UBN2: variants seen among roughly 807,000 people sequenced by gnomAD.
UBN2 encodes ubinuclein-2.
UBN2 carries 35 observed loss-of-function variants against 120.2 expected under a neutral mutation model. The observed-to-expected ratio is 0.29, with a 90% CI of 0.22 to 0.39. The LOEUF is 0.39. UBN2 is among the 10% of genes least tolerant of loss of function. The pLI, the probability that UBN2 is intolerant of heterozygous loss-of-function variation, is 1.00. For synonymous variants in UBN2, 661 were observed against 648.7 expected (o/e 1.02, Z -0.29); for missense variants, 1,693 against 1,663.2 (o/e 1.02, Z -0.31).
Position 139,251,951 on chromosome 7 carries a change from T to C in UBN2, c.562-5T>C, listed in dbSNP as rs752139261. The C allele has an allele frequency of 6.2e-7, 1 of 1,613,626 alleles. No individual in the cohort carries two copies. Among genetic ancestry groups the C allele is most frequent in the East Asian group, 2.2e-5 (1 of 44,874 alleles). On this transcript the variant is annotated splice_region_variant and splice_polypyrimidine_tract_variant and intron_variant, in intron 2 of 17. Coordinates refer to ENST00000473989, the MANE Select transcript of UBN2 (RefSeq NM_173569.4). The stretch of plus-strand genomic sequence containing the variant: ...AAATCAGTCTAATGTATCTGTTCTT[T>C]GCAGGGTGGGAAACCCCGTAAACAC...
chr7:139,284,601 A>T, intron 15 of UBN2, 27 bp downstream of exon 15: 1 of 1,560,162 alleles, frequency 6.4e-7, no homozygotes, highest in Non-Finnish European at 8.7e-7. Context: ...CGTCCATGTG[A>T]TAAACTATAA....
Position 139,281,565 on chromosome 7 carries a change from T to A in UBN2, c.2068-440T>A, listed in dbSNP as rs1057464424. ...AGCTATCTATTTATTTAGTCTTTTA[T>A]ATAAATGGGATAACCTGCTTTTTTG... is the stretch of plus-strand genomic sequence containing the variant. On this transcript the variant is annotated intron_variant, in intron 13 of 17. Coordinates refer to ENST00000473989, the MANE Select transcript of UBN2 (RefSeq NM_173569.4). Among the ~76,000 whole-genome samples, 3 of 152,350 alleles carry A rather than the reference T, an allele frequency of 2.0e-5. No individual in the cohort carries two copies. In the East Asian group the frequency reaches 5.8e-4, roughly 29 times the overall value.
the UBN2 span, among the ~76,000 whole-genome samples, chr7:139,328,962 C>T: frequency 6.6e-6 from 1 of 151,928 alleles, no homozygotes; most frequent in African/African-American, 2.4e-5. Context: ...TCATGAACTT[C>T]AGGCAGGCTG....
chr7:139,277,641 G>C (rs1412702663), intron 12 of UBN2: 1 of 151,946 alleles, frequency 6.6e-6, no homozygotes, highest in Non-Finnish European at 1.5e-5. Context: ...AAGTTGTTTG[G>C]TTTCATATAT....
chr7:139,315,599 A>G, the UBN2 span, among the ~76,000 whole-genome samples: 1 of 152,052 alleles, frequency 6.6e-6, no homozygotes, highest in South Asian at 2.1e-4. Flanking sequence ...TCCTATTAAC[A>G]CTTGTGCACA....
At chr7:139,289,004 A>AAC (rs1360452537) in intron 15 of UBN2, among the ~76,000 whole-genome samples, 2 of 151,632 alleles carry the variant, frequency 1.3e-5, no homozygotes, top group East Asian at 3.9e-4. Flanking sequence ...CCATCTCAAA[A>AAC]AAAAAAAAAA....
At position 139,276,158 on chromosome 7, in the gene UBN2, G is replaced by A. The variant is rs1585016248; in HGVS notation, c.2024+11G>A. 1 of 1,612,564 alleles carries A rather than the reference G, an allele frequency of 6.2e-7. No individual in the cohort carries two copies. Among genetic ancestry groups the A allele is most frequent in the East Asian group, 2.2e-5 (1 of 44,832 alleles). Reference sequence around the variant, plus strand: ...TCTTACTTCTGCTCCGTGAGTAAATGCAGACTCCAGATTGCTTCATTTATT... The same window carrying A: ...TCTTACTTCTGCTCCGTGAGTAAATACAGACTCCAGATTGCTTCATTTATT... On this transcript the variant is annotated intron_variant, in intron 12 of 17. Coordinates refer to ENST00000473989, the MANE Select transcript of UBN2 (RefSeq NM_173569.4).
intron 15 of UBN2, among the ~76,000 whole-genome samples, chr7:139,290,050 C>T: frequency 6.6e-6 from 1 of 152,150 alleles, no homozygotes; most frequent in Middle Eastern, 3.2e-3. Flanking sequence ...TGCGCCACCA[C>T]ACCTGGCTAA....
At chr7:139,325,034 C>T in the UBN2 span, among the ~76,000 whole-genome samples, 1 of 151,912 alleles carries the variant, frequency 6.6e-6, no homozygotes, top group African/African-American at 2.4e-5. Flanking sequence ...CAATAAAATA[C>T]ACAATCATAA....
At chr7:139,275,805 C>T (rs1161540489) in intron 11 of UBN2, among the ~76,000 whole-genome samples, 2 of 151,846 alleles carry the variant, frequency 1.3e-5, no homozygotes, top group African/African-American at 4.8e-5. Context: ...AGACCCCTGA[C>T]TCTGCAAAAA....
At chr7:139,271,517 C>T (rs1405761899) in intron 8 of UBN2, among the ~76,000 whole-genome samples, 1 of 150,574 alleles carries the variant, frequency 6.6e-6, no homozygotes, top group Non-Finnish European at 1.5e-5. Flanking sequence ...ACCCAGAAGG[C>T]GGAGGTTGCA....
At chr7:139,297,385 C>CA (rs113390602) in intron 17 of UBN2, among the ~76,000 whole-genome samples, 4,510 of 129,346 alleles carry the variant, frequency 0.035, 212 homozygotes, top group African/African-American at 0.11. Context: ...ATTTCACTTA[C>CA]AAAAAAAAAA....
the UBN2 span, among the ~76,000 whole-genome samples, chr7:139,326,093 T>G: frequency 2.0e-5 from 3 of 151,884 alleles, no homozygotes; most frequent in Admixed American, 1.3e-4. Flanking sequence ...CCATCTCTAC[T>G]AAAATTACAA....
At position 139,301,243 on chromosome 7, in the gene UBN2, A is replaced by G. The variant is rs1391974157; in HGVS notation, c.*3407A>G. On this transcript the variant is annotated 3_prime_UTR_variant, in exon 18 of 18. Coordinates refer to ENST00000473989, the MANE Select transcript of UBN2 (RefSeq NM_173569.4). ...CACCTGGTTGAAAACAACTTATTGG[A>G]CATGATTTTTAACCCAGGATATTTT... is the stretch of plus-strand genomic sequence containing the variant. The G allele has an allele frequency of 6.6e-6, 1 of 152,130 alleles. No individual in the cohort carries two copies. Among genetic ancestry groups the G allele is most frequent in the Non-Finnish European group, 1.5e-5 (1 of 68,042 alleles). The allele number at this position is 152,130 out of a possible 1,614,324, so 9.4% of individuals were successfully genotyped here. A position where few individuals can be genotyped will look rare whatever the true frequency, so the allele number is the denominator to read the frequency against.
In UBN2 at chr7:139,231,961, G is replaced by C; in HGVS notation, c.468+9G>C. The C allele has an allele frequency of 6.3e-7, 1 of 1,576,760 alleles. No individual in the cohort carries two copies. On this transcript the variant is annotated intron_variant, in intron 1 of 17. Transcript: ENST00000473989. Reference sequence around the variant, plus strand: ...TGTGCGGAGAACAACGGGTACAGAAGATTCTTCCCTCCTGCCCCAGACCCC... The same window carrying C: ...TGTGCGGAGAACAACGGGTACAGAACATTCTTCCCTCCTGCCCCAGACCCC...
chr7:139,271,577 C>CT (rs1298468124), intron 8 of UBN2, among the ~76,000 whole-genome samples: 1 of 148,216 alleles, frequency 6.7e-6, no homozygotes, highest in Non-Finnish European at 1.5e-5. Flanking sequence ...CAGCGAGACT[C>CT]TGTCTCCAAA....
intron 7 of UBN2, among the ~76,000 whole-genome samples, chr7:139,267,669 C>A (rs1478741028): frequency 6.6e-6 from 1 of 152,048 alleles, no homozygotes; most frequent in Admixed American, 6.6e-5. Flanking sequence ...TGAAGAAGGG[C>A]TGATTGATCA....
rs1440055143 is a variant in UBN2 at position 139,307,806 on chromosome 7, G to A, written c.*9970G>A. ...TTAATGGTAAAACATTTCACACTTT[G>A]GATGGTTTGCTTGTCTCTAGTTTTT... On this transcript the variant is annotated 3_prime_UTR_variant, in exon 18 of 18. Coordinates refer to ENST00000473989, the MANE Select transcript of UBN2 (RefSeq NM_173569.4). 2 of 151,950 alleles carry A rather than the reference G, an allele frequency of 1.3e-5. No individual in the cohort carries two copies. The highest frequency in any genetic ancestry group is 2.9e-5 in the Non-Finnish European group (2 of 68,008). The allele number at this position is 151,950 out of a possible 1,614,324, so 9.4% of individuals were successfully genotyped here. A position where few individuals can be genotyped will look rare whatever the true frequency, so the allele number is the denominator to read the frequency against.
chr7:139,269,459 C>G lies in UBN2; in HGVS notation c.1532C>G (p.Ala511Gly), dbSNP rs1236226868. 6.2e-7 allele frequency: 1 copy of G among 1,614,126 alleles called. No homozygotes were observed. Among genetic ancestry groups the G allele is most frequent in the East Asian group, 2.2e-5 (1 of 44,876 alleles). Residue 511 changes from alanine to glycine, a missense_variant, in exon 8 of 18, where the codon GCT becomes GGT. By Grantham distance (60) the Ala-to-Gly change is moderately conservative (BLOSUM62 0). Coordinates refer to ENST00000473989, the MANE Select transcript of UBN2 (RefSeq NM_173569.4). The part of the protein sequence containing the change: ...IRSGVYSHLE[A>G]FVPCNKETLV... ...AGTGGTGTCTACTCCCACCTTGAAG[C>G]TTTTGTGCCATGCAATAAAGAAACA...
Sources: allele counts gnomAD v4.1 joint callset (sites outside exome capture counted in the v4.1 genomes callset), GRCh38; gene constraint gnomAD v4.1.1; transcripts MANE v1.5; gene names NCBI Gene and HGNC (gene_info 2026-07-23, HGNC 2026-07-21).